Variants in CTNND2 observed in about 807,000 individuals in gnomAD.
The protein encoded by CTNND2 is catenin delta-2.
A neutral mutation model predicts 144.4 loss-of-function variants in CTNND2; 22 were observed. The ratio of observed to expected loss-of-function variants is 0.15; its 90% confidence interval spans 0.11 to 0.22. The LOEUF is 0.22. Ranked by LOEUF, CTNND2 falls within the 10% of genes least tolerant of loss-of-function variation. CTNND2 has a pLI of 1.00. For synonymous variants in CTNND2, 751 were observed against 695.6 expected, an observed-to-expected ratio of 1.08 and a Z score of -1.25; for missense variants, 1,353 against 1,618.8, an observed-to-expected ratio of 0.84 and a Z score of 2.82.
At chr5:11,326,866 G>T (rs1299253337) in intron 9 of CTNND2, among the ~76,000 whole-genome samples, 1 of 152,116 alleles carries the variant, frequency 6.6e-6, no homozygotes, top group African/African-American at 2.4e-5. Context: ...GGTGGGTGGG[G>T]GCACAGCTGG....
chr5:11,637,799 A>G (rs1224726869), intron 2 of CTNND2, among the ~76,000 whole-genome samples: 2 of 152,098 alleles, frequency 1.3e-5, no homozygotes, highest in African/African-American at 4.8e-5. Flanking sequence ...TACTACCTCC[A>G]CTCAAAACCT....
intron 10 of CTNND2, among the ~76,000 whole-genome samples, chr5:11,207,397 AAAG>A (rs1738162252): frequency 6.6e-6 from 1 of 152,192 alleles, no homozygotes; most frequent in Non-Finnish European, 1.5e-5. Context: ...AAAAAAAAAA[AAAG>A]AATACATTCA....
At chr5:11,863,121 A>C (rs1795580109) in intron 1 of CTNND2, among the ~76,000 whole-genome samples, 1 of 152,168 alleles carries the variant, frequency 6.6e-6, no homozygotes, top group Non-Finnish European at 1.5e-5. Context: ...CACGTGTTTA[A>C]ATTGTGTTTT....
At chr5:11,442,867 TTATTATAAA>T (rs145026722) in intron 3 of CTNND2, among the ~76,000 whole-genome samples, 7,240 of 146,842 alleles carry the variant, frequency 0.049, 564 homozygotes, top group African/African-American at 0.16. Flanking sequence ...TATATTATAA[TTATTATAAA>T]TATTATATAT....
At chr5:11,681,585 T>C (rs1784424128) in intron 2 of CTNND2, among the ~76,000 whole-genome samples, 1 of 152,200 alleles carries the variant, frequency 6.6e-6, no homozygotes, top group South Asian at 2.1e-4. Context: ...AACAGGGAAG[T>C]TAATGAAGGG....
At chr5:11,286,688 A>T (rs1747791544) in intron 9 of CTNND2, among the ~76,000 whole-genome samples, 1 of 152,250 alleles carries the variant, frequency 6.6e-6, no homozygotes, top group South Asian at 2.1e-4. Flanking sequence ...AAAGGCTAAC[A>T]GGAGTTGGCA....
intron 2 of CTNND2, among the ~76,000 whole-genome samples, chr5:11,652,362 G>A (rs1309632435): frequency 6.7e-6 from 1 of 150,300 alleles, no homozygotes; most frequent in Non-Finnish European, 1.5e-5. Flanking sequence ...ACAGCCTGCA[G>A]AAGTGTGAAT....
chr5:11,238,858 G>A (rs1172880820), intron 9 of CTNND2, among the ~76,000 whole-genome samples: 1 of 152,008 alleles, frequency 6.6e-6, no homozygotes, highest in South Asian at 2.1e-4. Context: ...ATCCTTCTTG[G>A]CTATGTGATC....
rs569201429 is a variant in CTNND2 at position 11,723,780 on chromosome 5, G to T, written c.174+8356C>A. ...GAAAAATATTACAGTTATTGGGCCG[G>T]GCGTGGTGGCTCATGTCTGTAATTC... On this transcript the variant is annotated intron_variant, in intron 2 of 21. Transcript: ENST00000304623. Among the ~76,000 whole-genome samples, 8 of 152,290 alleles carry T rather than the reference G, an allele frequency of 5.3e-5. No individual in the cohort carries two copies. The East Asian group carries it at 1.4e-3, about 26-fold the overall frequency.
intron 11 of CTNND2, among the ~76,000 whole-genome samples, chr5:11,196,963 C>A (rs1736919863): frequency 6.6e-6 from 1 of 152,238 alleles, no homozygotes; most frequent in Non-Finnish European, 1.5e-5. Context: ...ATCATTGAGG[C>A]AATGACTGTG....
At chr5:11,700,412 C>A (rs1785375109) in intron 2 of CTNND2, among the ~76,000 whole-genome samples, 1 of 152,064 alleles carries the variant, frequency 6.6e-6, no homozygotes, top group Non-Finnish European at 1.5e-5. Flanking sequence ...CAAACAACAA[C>A]AAACACAAAG....
At chr5:11,374,657 T>C (rs16901547) in intron 7 of CTNND2, among the ~76,000 whole-genome samples, 4,299 of 152,096 alleles carry the variant, frequency 0.028, 251 homozygotes, top group East Asian at 0.15. Context: ...TGTGTCTCAA[T>C]ACCCCATCAG....
intron 2 of CTNND2, among the ~76,000 whole-genome samples, chr5:11,688,698 C>G (rs139883085): frequency 6.6e-6 from 1 of 152,264 alleles, no homozygotes; most frequent in East Asian, 1.9e-4. Flanking sequence ...TCCTATAATT[C>G]AGAAACCCAC....
At chr5:11,501,336 A>T (rs1451043548) in intron 3 of CTNND2, among the ~76,000 whole-genome samples, 2 of 152,214 alleles carry the variant, frequency 1.3e-5, no homozygotes, top group Non-Finnish European at 2.9e-5. Flanking sequence ...CTCTCCAGAT[A>T]TGATCCCTAC....
intron 12 of CTNND2, among the ~76,000 whole-genome samples, chr5:11,118,484 G>A (rs1015944745): frequency 3.3e-5 from 5 of 152,214 alleles, no homozygotes; most frequent in Non-Finnish European, 5.9e-5. Flanking sequence ...GGGAGCATCG[G>A]AATCCTCTGG....
rs367931998 is a variant in CTNND2, at chr5:10,992,622, C to T, written c.3140G>A (p.Arg1047Gln). The T allele has an allele frequency of 5.0e-6, 8 of 1,613,936 alleles. No individual in the cohort carries two copies. Among genetic ancestry groups the T allele is most frequent in the African/African-American group, 1.3e-5 (1 of 74,890 alleles). Residue 1047 changes from arginine to glutamine, a missense_variant, in exon 19 of 22, where the codon CGG (arginine) becomes CAG (glutamine). Physicochemically the swap from Arg to Gln is conservative, Grantham distance 43. Transcript: ENST00000304623. ...GCGGGAGGAGGAGTAGGGCCTTTGC[C>T]GGTCCCTCTCGATGGTTGAAGACGA... ...VASSSTIERD[R>Q]QRPYSSSRTP...
intron 2 of CTNND2, among the ~76,000 whole-genome samples, chr5:11,624,173 A>T (rs1781028422): frequency 6.6e-6 from 1 of 152,070 alleles, no homozygotes; most frequent in Admixed American, 6.6e-5. Context: ...TGTTAGAAAG[A>T]ACACAAAGGT....
At chr5:11,609,860 A>T (rs73055807) in intron 2 of CTNND2, among the ~76,000 whole-genome samples, 3,973 of 152,236 alleles carry the variant, frequency 0.026, 176 homozygotes, top group African/African-American at 0.091. Flanking sequence ...GTGACAATGA[A>T]CTTCTTCCAC....
chr5:11,250,516 T>C (rs2400032), intron 9 of CTNND2, among the ~76,000 whole-genome samples: 85 of 38,280 alleles, frequency 2.2e-3, no homozygotes, highest in African/African-American at 0.013. Flanking sequence ...TATATATACA[T>C]ATATTTTTTT....
Sources: allele counts gnomAD v4.1 joint callset (sites outside exome capture counted in the v4.1 genomes callset), GRCh38; gene constraint gnomAD v4.1.1; transcripts MANE v1.5; gene names NCBI Gene and HGNC (gene_info 2026-07-23, HGNC 2026-07-21).